Variants in FER1L5 observed in about 807,000 individuals in gnomAD.
FER1L5 encodes the protein fer-1 like family member 5.
A neutral mutation model predicts 279.9 loss-of-function variants in FER1L5; 187 were observed. The ratio of observed to expected loss-of-function variants is 0.67; its 90% CI spans 0.59 to 0.75. FER1L5 has a LOEUF of 0.75. Among genes scored for constraint, FER1L5 ranks in the 30% least tolerant of loss-of-function variants. FER1L5 has a pLI of 0.00. For missense variants in FER1L5, 2,091 were observed against 2,594.4 expected (o/e 0.81, Z 4.21); for synonymous variants, 921 against 989.7 (o/e 0.93, Z 1.30).
rs1304831462 is a variant in FER1L5, at chr2:96,703,339, G to A, written c.5684G>A (p.Arg1895His). The change falls in exon 50 of 53, where the codon CGC becomes CAC. Residue 1895 changes from arginine to histidine, a missense_variant. Coordinates refer to ENST00000624922, the MANE Select transcript of FER1L5 (RefSeq NM_001293083.2). ...PCQVLDGGKW[R>H]LSGKVKMSLE... is the part of the protein sequence containing the mutation. ...CAGGTCCTCGATGGTGGCAAATGGC[G>A]CTTGTCGGTAGGAGCTGGGGAGTGT... is the stretch of plus-strand genomic sequence containing the variant. 5 of 1,609,276 alleles carry A rather than the reference G, an allele frequency of 3.1e-6. No individual in the cohort carries two copies. The highest frequency in any genetic ancestry group is 2.2e-5 in the East Asian group (1 of 44,888).
At position 96,702,864 on chromosome 2, in the gene FER1L5, G is replaced by C. The variant is rs2077641384; in HGVS notation, c.5398-114G>C. The C allele has an allele frequency of 1.3e-6, 2 of 1,531,852 alleles. No homozygotes were observed. Among genetic ancestry groups the C allele is most frequent in the South Asian group, 1.2e-5 (1 of 82,850 alleles). 94.9% of individuals were successfully genotyped at this position (1,531,852 alleles called of 1,614,324 possible). On this transcript the variant is annotated intron_variant, in intron 48 of 52. Transcript: ENST00000624922. The surrounding 1 kb of genome is among the most constrained non-coding windows in gnomAD (Gnocchi z 4.0). ...CCAGAACATCAGAAACATGTCCTCA[G>C]GTGGAAACCCTCTTCCTTGATAGTC... is the stretch of plus-strand genomic sequence containing the variant.
At position 96,652,310 on chromosome 2, in the gene FER1L5, G is replaced by A. The variant is rs747041994; in HGVS notation, c.633+290G>A. Reference sequence around the variant, plus strand: ...CTGGGAGTATTGCTATTGGAGGTTCGAAGCACAGACCCAGACCATGTATGT... The same window carrying A: ...CTGGGAGTATTGCTATTGGAGGTTCAAAGCACAGACCCAGACCATGTATGT... On this transcript the variant is annotated intron_variant, in intron 7 of 52. Transcript: ENST00000624922. 3.2e-5 allele frequency: 13 copies of A among 412,032 alleles called. 1 individual carries two copies. Among genetic ancestry groups the A allele is most frequent in the South Asian group, 1.2e-4 (4 of 34,282 alleles). The allele number at this position is 412,032 out of a possible 1,614,324, so 25.5% of individuals were successfully genotyped here.
chr2:96,674,794 G>A (rs542739825), intron 19 of FER1L5, among the ~76,000 whole-genome samples: 57 of 152,164 alleles, frequency 3.7e-4, no homozygotes, highest in Non-Finnish European at 6.5e-4. Context: ...CTGGGTGACA[G>A]AGTGAGACCC....
At position 96,693,506 on chromosome 2, in the gene FER1L5, G is replaced by A. The variant is rs1349265483; in HGVS notation, c.3293G>A (p.Gly1098Glu). ...LVSNQILTFQ[G>E]PFIRVVFLNH... ...GCTACCTTCTCCTCTACCCCTCCAG[G>A]GCCCTTCATTCGGGTGGTCTTCCTG... is the stretch of plus-strand genomic sequence containing the variant. The change falls in exon 32 of 53, where the codon GGG becomes GAG. Residue 1098 changes from glycine to glutamate, a missense_variant and splice_region_variant. By Grantham distance (98) the Gly-to-Glu change is moderately conservative. Transcript: ENST00000624922. 6.4e-7 allele frequency: 1 copy of A among 1,551,124 alleles called. No individual in the cohort carries two copies. The highest frequency in any genetic ancestry group is 8.7e-7 in the Non-Finnish European group (1 of 1,146,728).
chr2:96,650,039 G>A, intron 5 of FER1L5, 141 bp from the exon 6 acceptor site: 2 of 676,814 alleles, frequency 3.0e-6, no homozygotes, highest in Non-Finnish European at 5.3e-6. Flanking sequence ...TTCTGGGGAG[G>A]ACATATGTCA....
chr2:96,678,595 G>A (rs1573889956), intron 19 of FER1L5, among the ~76,000 whole-genome samples: 1 of 151,466 alleles, frequency 6.6e-6, no homozygotes, highest in East Asian at 1.9e-4. Flanking sequence ...ACCACACCTG[G>A]CTAATTTTTG....
chr2:96,686,078 G>A lies in FER1L5; in HGVS notation c.2034G>A (p.Ala678=), dbSNP rs118112723. 1.5e-3 allele frequency: 2,319 copies of A among 1,551,568 alleles called. 51 individuals carry two copies. In the East Asian group the frequency reaches 0.045, roughly 30 times the overall value. Residue 678 remains alanine, a synonymous_variant, in exon 22 of 53, where the codon GCG becomes GCA. Coordinates refer to ENST00000624922, the MANE Select transcript of FER1L5 (RefSeq NM_001293083.2). ...AGCCCAAGGACATGGTGGCCACAGCGGAGGACTGGCTGTACCGCCTCAACA... is the reference window on the plus strand; with the variant it reads ...AGCCCAAGGACATGGTGGCCACAGCAGAGGACTGGCTGTACCGCCTCAACA... ...QAKPKDMVAT[A]EDWLYRLNTV...
intron 19 of FER1L5, among the ~76,000 whole-genome samples, chr2:96,681,100 ATGTAGCCTG>A: frequency 6.6e-6 from 1 of 152,342 alleles, no homozygotes; most frequent in Admixed American, 6.5e-5. Context: ...TTGTATATAT[ATGTAGCCTG>A]TGTAGCCTGA....
At chr2:96,643,342 ATTATTTT>A (rs903347452) in intron 1 of FER1L5, among the ~76,000 whole-genome samples, 3 of 152,074 alleles carry the variant, frequency 2.0e-5, no homozygotes, top group African/African-American at 4.8e-5. Flanking sequence ...AGGCATTATT[ATTATTTT>A]TTATTTTTTA....
Position 96,702,786 on chromosome 2 carries a change from A to G in FER1L5, c.5397+45A>G, listed in dbSNP as rs1257358085. On this transcript the variant is annotated intron_variant, in intron 48 of 52. Transcript: ENST00000624922. The surrounding 1 kb of genome is among the most constrained non-coding windows in gnomAD (Gnocchi z 4.0). ...AGGGGCAACAGGCCACAACAAACAG[A>G]CCCAGGCTCCTGGAGCTCCTCCCCC... The G allele has an allele frequency of 6.2e-7, 1 of 1,604,220 alleles. No homozygotes were observed. Among genetic ancestry groups the G allele is most frequent in the African/African-American group, 1.3e-5 (1 of 74,634 alleles).
At chr2:96,662,394 A>C (rs1573831733) in intron 13 of FER1L5, 127 bp downstream of exon 13, 1 of 842,088 alleles carries the variant, frequency 1.2e-6, no homozygotes, top group Non-Finnish European at 1.9e-6. Flanking sequence ...AGAAGTATGC[A>C]CCCCTGCACC....
chr2:96,698,365 C>G lies in FER1L5; in HGVS notation c.4356+209C>G, dbSNP rs547706444. Among the ~76,000 whole-genome samples the G allele has an allele frequency of 1.3e-5, 2 of 152,172 alleles. No homozygotes were observed. Among genetic ancestry groups the G allele is most frequent in the African/African-American group, 2.4e-5 (1 of 41,448 alleles). ...CCCACCCTGGCCTATGCTGGCCTCCCAAGGCTGCAAAGCCACAGAGAACAA... is the reference window on the plus strand; with the variant it reads ...CCCACCCTGGCCTATGCTGGCCTCCGAAGGCTGCAAAGCCACAGAGAACAA... On this transcript the variant is annotated intron_variant, in intron 40 of 52. Transcript: ENST00000624922. The surrounding 1 kb of genome is among the most constrained non-coding windows in gnomAD (Gnocchi z 5.5).
intron 9 of FER1L5, 88 bp downstream of exon 9, chr2:96,654,584 G>A: frequency 2.5e-6 from 1 of 396,698 alleles, no homozygotes; most frequent in Non-Finnish European, 4.5e-6. Context: ...CTAGGGAAAA[G>A]GACTTGGATT....
intron 21 of FER1L5, 30 bp downstream of exon 21, chr2:96,685,459 T>C (rs367995189): frequency 9.1e-5 from 140 of 1,536,298 alleles, no homozygotes; most frequent in Admixed American, 2.4e-4. Flanking sequence ...GGGATACAGC[T>C]GGCCTGGAGC....
intron 19 of FER1L5, among the ~76,000 whole-genome samples, chr2:96,680,920 A>T (rs2076698950): frequency 6.6e-6 from 1 of 151,714 alleles, no homozygotes; most frequent in South Asian, 2.1e-4. Context: ...AACTACAGCC[A>T]CTCCTCACCT....
chr2:96,687,634 C>G (rs2076979731), intron 23 of FER1L5, 182 bp from the exon 24 acceptor site: 2 of 930,144 alleles, frequency 2.2e-6, no homozygotes, highest in Admixed American at 5.8e-5. Context: ...GTGGAGCCAC[C>G]CCACTCTGGA....
chr2:96,697,451 A>AC (rs2077422074), intron 37 of FER1L5, 75 bp from the exon 38 acceptor site: 10 of 1,540,810 alleles, frequency 6.5e-6, no homozygotes, highest in South Asian at 1.2e-5. Context: ...TCTGGCCTCA[A>AC]CCCCCCTCTC....
intron 19 of FER1L5, among the ~76,000 whole-genome samples, chr2:96,681,121 G>A (rs2076708833): frequency 6.6e-6 from 1 of 152,208 alleles, no homozygotes; most frequent in Non-Finnish European, 1.5e-5. Flanking sequence ...GTAGCCTGAA[G>A]AGTGTCCAAC....
At chr2:96,678,087 A>G (rs1302070330) in intron 19 of FER1L5, among the ~76,000 whole-genome samples, 1 of 151,818 alleles carries the variant, frequency 6.6e-6, no homozygotes, top group Non-Finnish European at 1.5e-5. Context: ...CATTTCATGT[A>G]ATGACACTGA....
Sources: gnomAD v4.1 joint callset for allele counts (sites outside exome capture counted in the v4.1 genomes callset) on GRCh38, gnomAD v4.1.1 for gene constraint, Gnocchi (gnomAD v3.1) non-coding constraint, MANE v1.5 for transcripts, NCBI Gene and HGNC (gene_info 2026-07-23, HGNC 2026-07-21) for gene names.